CRTC3: variants seen among roughly 807,000 people sequenced by gnomAD.
CRTC3 encodes the protein CREB-regulated transcription coactivator 3.
In CRTC3, 26 loss-of-function variants were observed where a neutral mutation model predicts 74.5. That is an observed-to-expected ratio of 0.35 (90% CI 0.26 to 0.48). The LOEUF (loss-of-function observed/expected upper bound fraction) is 0.48. Ranked by LOEUF, CRTC3 falls within the 20% of genes least tolerant of loss-of-function variation. The probability of loss-of-function intolerance (pLI) is 0.99; values close to 1 mark genes in which losing one functional copy is unlikely to be tolerated. For synonymous variants in CRTC3, 377 were observed against 325.8 expected (o/e 1.16, Z -1.69); for missense variants, 760 against 787.3 (o/e 0.97, Z 0.41).
intron 1 of CRTC3, among the ~76,000 whole-genome samples, chr15:90,539,246 G>C (rs971584251): frequency 5.3e-5 from 8 of 152,172 alleles, no homozygotes; most frequent in Non-Finnish European, 1.0e-4. Flanking sequence ...TACAAGAACT[G>C]TAACCAGTTT....
chr15:90,643,691 G>A lies in CRTC3; in HGVS notation c.*1551G>A. ...GCCTGCCTCCTCTAACTTGGGTGATGCCAGTAGGTTTGAAGGGGGCAGAGC... is the reference window on the plus strand; with the variant it reads ...GCCTGCCTCCTCTAACTTGGGTGATACCAGTAGGTTTGAAGGGGGCAGAGC... On this transcript the variant is annotated 3_prime_UTR_variant, in exon 15 of 15. Coordinates refer to ENST00000268184, the MANE Select transcript of CRTC3 (RefSeq NM_022769.5). 2 of 230,820 alleles carry A rather than the reference G, an allele frequency of 8.7e-6. No homozygotes were observed. The highest frequency in any genetic ancestry group is 6.1e-5 in the East Asian group (1 of 16,450). The allele number at this position is 230,820 out of a possible 1,614,324, so 14.3% of individuals were successfully genotyped here.
chr15:90,577,029 TTTTTG>T lies in CRTC3; in HGVS notation c.232-16582_232-16578del, dbSNP rs113826739. Among the ~76,000 whole-genome samples the T allele has an allele frequency of 9.3e-5, 14 of 151,338 alleles. 1 individual carries two copies. The highest frequency in any genetic ancestry group is 8.4e-4 in the South Asian group (4 of 4,760). On this transcript the variant is annotated intron_variant, in intron 2 of 14. Transcript: ENST00000268184. ...GGGAGAGGCTGGGCCATTTGTTTGT[TTTTTG>T]TTTTGTTTTGTTTTGTTTTGTTTTT...
At chr15:90,619,022 C>T (rs2151088169) in intron 8 of CRTC3, among the ~76,000 whole-genome samples, 1 of 152,352 alleles carries the variant, frequency 6.6e-6, no homozygotes, top group Admixed American at 6.5e-5. Flanking sequence ...ATTTGTAATA[C>T]TCATTCCTGT....
At chr15:90,551,234 A>C (rs1053573898) in intron 2 of CRTC3, among the ~76,000 whole-genome samples, 3 of 152,182 alleles carry the variant, frequency 2.0e-5, no homozygotes, top group East Asian at 1.9e-4. Context: ...ATCTCTGGAA[A>C]CTAAAGTACT....
rs750225178 is a variant in CRTC3, at chr15:90,614,508, A to C, written c.613+20A>C. ...GGGAAGGTATGAACTGATTTTACCT[A>C]CCTATATTGGAGTGGGATGCTGATT... is the stretch of plus-strand genomic sequence containing the variant. On this transcript the variant is annotated intron_variant, in intron 7 of 14. Transcript: ENST00000268184. 5 of 1,550,232 alleles carry C rather than the reference A, an allele frequency of 3.2e-6. No individual in the cohort carries two copies. The South Asian group carries it at 4.5e-5, about 14-fold the overall frequency.
At chr15:90,584,746 A>G (rs1967620593) in intron 2 of CRTC3, among the ~76,000 whole-genome samples, 1 of 151,906 alleles carries the variant, frequency 6.6e-6, no homozygotes, top group South Asian at 2.1e-4. Flanking sequence ...AGAGCCAAGC[A>G]TTAACGGCAG....
At chr15:90,608,021 G>A (rs1161188022) in intron 6 of CRTC3, among the ~76,000 whole-genome samples, 1 of 152,124 alleles carries the variant, frequency 6.6e-6, no homozygotes, top group East Asian at 1.9e-4. Flanking sequence ...GTGGTCCCCT[G>A]GGAGGAGGGG....
At chr15:90,563,216 G>A (rs572904421) in intron 2 of CRTC3, among the ~76,000 whole-genome samples, 146 of 152,154 alleles carry the variant, frequency 9.6e-4, no homozygotes, top group African/African-American at 3.4e-3. Context: ...GACCAGCCTG[G>A]CAAACATTGA....
intron 2 of CRTC3, among the ~76,000 whole-genome samples, chr15:90,568,084 C>CA (rs1967167889): frequency 1.3e-5 from 2 of 152,140 alleles, no homozygotes. Context: ...TTGAGGGGTT[C>CA]AAGACTTCAG....
chr15:90,580,617 A>T (rs1392919811), intron 2 of CRTC3, among the ~76,000 whole-genome samples: 1 of 151,892 alleles, frequency 6.6e-6, no homozygotes, highest in African/African-American at 2.4e-5. Flanking sequence ...TTTAGTAGAG[A>T]TGGGGTTCGT....
At chr15:90,598,274 C>T (rs1259589735) in intron 3 of CRTC3, 14 of 600,610 alleles carry the variant, frequency 2.3e-5, no homozygotes, top group South Asian at 1.2e-4. Flanking sequence ...CTCACCCAGC[C>T]GCAGGTCAAG....
At chr15:90,554,210 T>C (rs549229404) in intron 2 of CRTC3, among the ~76,000 whole-genome samples, 1 of 151,848 alleles carries the variant, frequency 6.6e-6, no homozygotes, top group African/African-American at 2.4e-5. Flanking sequence ...TTTCCTCTTT[T>C]TTTTTTTTTT....
intron 2 of CRTC3, among the ~76,000 whole-genome samples, chr15:90,555,302 TTATTA>T (rs1451512285): frequency 1.3e-5 from 2 of 152,204 alleles, no homozygotes; most frequent in Non-Finnish European, 2.9e-5. Context: ...AAATCACTTT[TTATTA>T]TATTAAGCAG....
intron 3 of CRTC3, among the ~76,000 whole-genome samples, chr15:90,596,963 G>A (rs1188461960): frequency 6.6e-6 from 1 of 152,228 alleles, no homozygotes; most frequent in Non-Finnish European, 1.5e-5. Flanking sequence ...CAAATAAAAC[G>A]AACATTGTTT....
chr15:90,625,652 G>T lies in CRTC3; in HGVS notation c.750-124G>T, dbSNP rs939964192. The T allele has an allele frequency of 7.2e-6, 6 of 830,092 alleles. No homozygotes were observed. The Admixed American group carries it at 1.2e-4, about 16-fold the overall frequency. 51.4% of individuals were successfully genotyped at this position (830,092 alleles called of 1,614,324 possible). A position where few individuals can be genotyped will look rare whatever the true frequency, so the allele number is the denominator to read the frequency against. The stretch of plus-strand genomic sequence containing the variant: ...CAGTGTTCTCAGAATCAGAGAGGCC[G>T]CACCAGGACCTCGGTCTTTTGTAGC... On this transcript the variant is annotated intron_variant, in intron 9 of 14. Transcript: ENST00000268184.
chr15:90,598,209 C>G (rs780581264), intron 3 of CRTC3: 16 of 550,684 alleles, frequency 2.9e-5, no homozygotes, highest in Non-Finnish European at 4.9e-5. Context: ...GAGCCCTGCC[C>G]AGGTACACTG....
At chr15:90,624,137 G>C (rs1255129586) in intron 9 of CRTC3, among the ~76,000 whole-genome samples, 1 of 152,118 alleles carries the variant, frequency 6.6e-6, no homozygotes, top group Non-Finnish European at 1.5e-5. Context: ...GCCCCTGGGA[G>C]GTGCTCTGCT....
chr15:90,543,425 C>G (rs1252630416), intron 2 of CRTC3, among the ~76,000 whole-genome samples: 1 of 151,426 alleles, frequency 6.6e-6, no homozygotes, highest in Non-Finnish European at 1.5e-5. Context: ...ATTAAACTTT[C>G]AATCTATACA....
At chr15:90,638,913 C>G (rs1027877326) in intron 13 of CRTC3, 98 bp downstream of exon 13, 12 of 999,640 alleles carry the variant, frequency 1.2e-5, no homozygotes, top group Admixed American at 1.9e-5. Flanking sequence ...ACCAGACATG[C>G]CACTTTCCTG....
Sources: gnomAD v4.1 joint callset for allele counts (sites outside exome capture counted in the v4.1 genomes callset) on GRCh38, gnomAD v4.1.1 for gene constraint, MANE v1.5 for transcripts, NCBI Gene and HGNC (gene_info 2026-07-23, HGNC 2026-07-21) for gene names.